Variants in TENM3 observed in about 807,000 individuals in gnomAD.
The protein encoded by TENM3 is teneurin-3.
Under a neutral mutation model 255.1 loss-of-function variants are expected in TENM3, and 63 were observed. That is an observed-to-expected ratio of 0.25 (90% CI 0.20 to 0.30). The LOEUF (loss-of-function observed/expected upper bound fraction) is 0.30. Ranked by LOEUF, TENM3 falls within the 10% of genes least tolerant of loss-of-function variation. TENM3 has a pLI of 1.00. For missense variants in TENM3, 2,929 were observed against 3,461.1 expected (o/e 0.85, Z 3.86); for synonymous variants, 1,306 against 1,322.3 (o/e 0.99, Z 0.27).
At chr4:181,855,248 A>G in the TENM3 span, among the ~76,000 whole-genome samples, 32 of 152,200 alleles carry the variant, frequency 2.1e-4, 1 homozygote, top group Non-Finnish European at 2.9e-5. Context: ...GTTTGGTAGT[A>G]GTAACATTAC....
chr4:182,742,855 A>G (rs1437548035), intron 18 of TENM3, among the ~76,000 whole-genome samples: 1 of 152,192 alleles, frequency 6.6e-6, no homozygotes, highest in Non-Finnish European at 1.5e-5. Flanking sequence ...AGGCCATTCC[A>G]GTGTATAGCC....
chr4:182,189,577 C>T (rs1440424551), intron 1 of TENM3, among the ~76,000 whole-genome samples: 1 of 152,162 alleles, frequency 6.6e-6, no homozygotes, highest in Non-Finnish European at 1.5e-5. Context: ...CTCCTGGGCT[C>T]ATTTCTGAGG....
At chr4:182,380,714 A>G (rs1461368725) in intron 3 of TENM3, among the ~76,000 whole-genome samples, 1 of 152,192 alleles carries the variant, frequency 6.6e-6, no homozygotes, top group Non-Finnish European at 1.5e-5. Context: ...AACTGTGAGA[A>G]TGTATGCTGC....
intron 4 of TENM3, among the ~76,000 whole-genome samples, chr4:182,607,608 C>CT (rs1025686185): frequency 1.3e-5 from 2 of 152,074 alleles, no homozygotes; most frequent in African/African-American, 4.8e-5. Context: ...GTATTGAACG[C>CT]TTTAGAGTCT....
At chr4:181,474,465 G>A in the TENM3 span, among the ~76,000 whole-genome samples, 9 of 152,102 alleles carry the variant, frequency 5.9e-5, no homozygotes, top group East Asian at 3.9e-4. Context: ...GGCTGGGCAC[G>A]GTGACTCACG....
the TENM3 span, among the ~76,000 whole-genome samples, chr4:181,707,745 C>T: frequency 0.026 from 3,946 of 152,216 alleles, 153 homozygotes; most frequent in African/African-American, 0.089. Flanking sequence ...TACTATGTGC[C>T]TGTTTTGAAT....
intron 1 of TENM3, among the ~76,000 whole-genome samples, chr4:182,207,460 C>T (rs1225689405): frequency 2.6e-5 from 4 of 152,126 alleles, no homozygotes; most frequent in Non-Finnish European, 4.4e-5. Context: ...AAGCTCTTAG[C>T]ACAGGGTGAG....
chr4:182,556,374 G>A (rs574949685), intron 3 of TENM3, among the ~76,000 whole-genome samples: 3 of 152,264 alleles, frequency 2.0e-5, no homozygotes, highest in Admixed American at 1.3e-4. Context: ...CATTTTGCTT[G>A]TAACTTGCAG....
the TENM3 span, among the ~76,000 whole-genome samples, chr4:181,676,843 T>C: frequency 2.3e-3 from 351 of 152,264 alleles, 3 homozygotes; most frequent in Non-Finnish European, 3.5e-3. Context: ...AAGTGACCAA[T>C]GCGATCCAGA....
chr4:182,456,087 T>A (rs990871793), intron 3 of TENM3, among the ~76,000 whole-genome samples: 5 of 152,132 alleles, frequency 3.3e-5, no homozygotes, highest in African/African-American at 1.2e-4. Context: ...CTCGAATGCT[T>A]ATTGGATGAG....
upstream of TENM3, among the ~76,000 whole-genome samples, chr4:182,241,518 C>CTTTTT (rs982739950): frequency 0.017 from 1,921 of 114,182 alleles, 137 homozygotes; most frequent in African/African-American, 0.067. Context: ...TTTTTTCTTT[C>CTTTTT]TTTTTTTTTT....
At chr4:181,554,118 T>C in the TENM3 span, among the ~76,000 whole-genome samples, 1 of 152,118 alleles carries the variant, frequency 6.6e-6, no homozygotes, top group Admixed American at 6.6e-5. Context: ...AACAGTACCA[T>C]GGAAAATCAG....
the TENM3 span, among the ~76,000 whole-genome samples, chr4:181,603,744 T>G: frequency 6.6e-6 from 1 of 152,214 alleles, no homozygotes; most frequent in Non-Finnish European, 1.5e-5. Flanking sequence ...TCAAAAATCT[T>G]AAAACCCGTT....
chr4:181,911,332 G>A, the TENM3 span, among the ~76,000 whole-genome samples: 4 of 152,154 alleles, frequency 2.6e-5, no homozygotes, highest in African/African-American at 9.7e-5. Context: ...TTGAAGAACT[G>A]CATGGAAAAA....
At chr4:181,713,861 G>A in the TENM3 span, among the ~76,000 whole-genome samples, 7 of 151,898 alleles carry the variant, frequency 4.6e-5, no homozygotes, top group East Asian at 5.8e-4. Context: ...AAATGCTTAC[G>A]GTGATCAAGG....
chr4:181,544,422 A>AAAAAAAAAAAC, the TENM3 span, among the ~76,000 whole-genome samples: 1 of 146,792 alleles, frequency 6.8e-6, no homozygotes, highest in Non-Finnish European at 1.5e-5. Context: ...AAAAAAAAAA[A>AAAAAAAAAAAC]AAAAAAAAAA....
the TENM3 span, among the ~76,000 whole-genome samples, chr4:181,795,566 A>C: frequency 6.6e-6 from 1 of 152,222 alleles, no homozygotes; most frequent in Non-Finnish European, 1.5e-5. Flanking sequence ...GCATTCAGTC[A>C]ACTCTTTCAA....
chr4:181,546,150 C>T, the TENM3 span, among the ~76,000 whole-genome samples: 3 of 152,144 alleles, frequency 2.0e-5, no homozygotes, highest in African/African-American at 7.2e-5. Flanking sequence ...TGATAGTGTG[C>T]GTGTGAGTGG....
the TENM3 span, among the ~76,000 whole-genome samples, chr4:181,902,100 C>T: frequency 7.8e-5 from 9 of 115,234 alleles, no homozygotes; most frequent in East Asian, 7.8e-4. Context: ...GAGGTAAATG[C>T]GTGTGCATGT....
Sources: gnomAD v4.1 joint callset for allele counts (sites outside exome capture counted in the v4.1 genomes callset) on GRCh38, gnomAD v4.1.1 for gene constraint, MANE v1.5 for transcripts, NCBI Gene and HGNC (gene_info 2026-07-23, HGNC 2026-07-21) for gene names.